The following MAST4 variants were observed in gnomAD, a reference collection of about 807,000 sequenced individuals.
The protein encoded by MAST4 is microtubule associated serine/threonine kinase family member 4.
MAST4 carries 89 observed loss-of-function variants against 162.7 expected under a neutral mutation model. The ratio of observed to expected loss-of-function variants is 0.55; its 90% CI spans 0.46 to 0.65. The LOEUF (loss-of-function observed/expected upper bound fraction) is 0.65. MAST4 is among the 30% of genes least tolerant of loss of function. The pLI is 0.00. For synonymous variants in MAST4, 1,479 were observed against 1,361.1 expected (o/e 1.09, Z -1.91); for missense variants, 3,153 against 3,374.0 (o/e 0.93, Z 1.62).
intron 4 of MAST4, among the ~76,000 whole-genome samples, chr5:66,966,698 C>CTGTATCTAACAAA (rs1746774867): frequency 6.6e-6 from 1 of 152,140 alleles, no homozygotes; most frequent in African/African-American, 2.4e-5. Flanking sequence ...ATAGGGAAGC[C>CTGTATCTAACAAA]TGGGAAATAT....
chr5:67,073,880 T>C (rs1023993864), intron 5 of MAST4, among the ~76,000 whole-genome samples: 3 of 152,178 alleles, frequency 2.0e-5, no homozygotes, highest in Non-Finnish European at 2.9e-5. Context: ...GTAAAATTAA[T>C]ATATAGTTGA....
At chr5:66,934,872 G>A (rs1328184622) in intron 4 of MAST4, among the ~76,000 whole-genome samples, 1 of 152,112 alleles carries the variant, frequency 6.6e-6, no homozygotes, top group African/African-American at 2.4e-5. Flanking sequence ...TGGTAACATG[G>A]TACTCTTTAC....
intron 12 of MAST4, among the ~76,000 whole-genome samples, chr5:67,115,795 C>A (rs1220204692): frequency 6.6e-6 from 1 of 152,206 alleles, no homozygotes; most frequent in African/African-American, 2.4e-5. Flanking sequence ...CATTACTACC[C>A]ACTGCTTACA....
intron 4 of MAST4, among the ~76,000 whole-genome samples, chr5:67,016,279 C>T (rs572572329): frequency 6.6e-6 from 1 of 152,268 alleles, no homozygotes; most frequent in South Asian, 2.1e-4. Context: ...AATTACTTAA[C>T]TGTCCCTAAA....
chr5:66,923,686 G>T (rs1010783038), intron 4 of MAST4, among the ~76,000 whole-genome samples: 1 of 152,106 alleles, frequency 6.6e-6, no homozygotes, highest in African/African-American at 2.4e-5. Context: ...AATGACTCTT[G>T]AGGTTGCAAA....
At chr5:67,161,328 G>GA (rs5868479) in intron 27 of MAST4, among the ~76,000 whole-genome samples, 2 of 151,980 alleles carry the variant, frequency 1.3e-5, no homozygotes, top group African/African-American at 4.8e-5. Flanking sequence ...ACTCTGGGGG[G>GA]AAAAAAAGTT....
chr5:67,046,630 C>CT (rs879596179), intron 4 of MAST4, among the ~76,000 whole-genome samples: 25 of 152,182 alleles, frequency 1.6e-4, no homozygotes, highest in African/African-American at 5.1e-4. Flanking sequence ...AGCTGTTTTT[C>CT]TTTTCTTCTA....
In MAST4 at chr5:67,162,666, G is replaced by A. The variant is rs376750032; in HGVS notation, c.3845G>A (p.Arg1282Gln). Residue 1282 changes from arginine (R) to glutamine (Q), a missense_variant, in exon 28 of 29, where the codon CGA (arginine) becomes CAA (glutamine). Coordinates refer to ENST00000403625, the MANE Select transcript of MAST4 (RefSeq NM_001164664.2). ...CCTTCTCCTTTACTCCACACCAGCCGAAGTTTCTCCTGCTTGAACAGATCC... is the reference window on the plus strand; with the variant it reads ...CCTTCTCCTTTACTCCACACCAGCCAAAGTTTCTCCTGCTTGAACAGATCC... ...KQPSPLLHTS[R>Q]SFSCLNRSLS... The A allele has an allele frequency of 6.8e-6, 11 of 1,613,828 alleles. No individual in the cohort carries two copies. Among genetic ancestry groups the A allele is most frequent in the East Asian group, 2.2e-5 (1 of 44,856 alleles).
At chr5:66,869,655 G>A (rs556364826) in intron 3 of MAST4, among the ~76,000 whole-genome samples, 2 of 152,286 alleles carry the variant, frequency 1.3e-5, no homozygotes, top group East Asian at 3.9e-4. Context: ...TGTCTTAAAA[G>A]TATAGAGCTG....
chr5:66,649,448 C>A (rs1746070704), intron 1 of MAST4, among the ~76,000 whole-genome samples: 1 of 152,174 alleles, frequency 6.6e-6, no homozygotes, highest in East Asian at 1.9e-4. Context: ...CATACCCTCA[C>A]CCTTTTGGTG....
At chr5:66,761,621 C>A (rs921880924) in intron 2 of MAST4, among the ~76,000 whole-genome samples, 6 of 150,282 alleles carry the variant, frequency 4.0e-5, no homozygotes, top group Admixed American at 2.0e-4. Context: ...TTTCTGGGAA[C>A]AGAAGTGCTA....
At chr5:66,766,448 TTTTC>T (rs1375742895) in intron 2 of MAST4, among the ~76,000 whole-genome samples, 1 of 152,120 alleles carries the variant, frequency 6.6e-6, no homozygotes, top group African/African-American at 2.4e-5. Flanking sequence ...GTTGAGAGGG[TTTTC>T]TTTTTTGGAC....
intron 3 of MAST4, among the ~76,000 whole-genome samples, chr5:66,847,380 C>A (rs1160344014): frequency 6.6e-6 from 1 of 152,152 alleles, no homozygotes; most frequent in Non-Finnish European, 1.5e-5. Context: ...CGTCTGTAAT[C>A]CCAGCATTTT....
Position 66,948,576 on chromosome 5 carries a change from C to G in MAST4, c.674+48594C>G, listed in dbSNP as rs143356936. On this transcript the variant is annotated intron_variant, in intron 4 of 28. Coordinates refer to ENST00000403625, the MANE Select transcript of MAST4 (RefSeq NM_001164664.2). ...CCATTCCTCCACAGCACTTTCCAAG[C>G]CACATAACTACTCTTGGTACTCACA... Among the ~76,000 whole-genome samples the G allele has an allele frequency of 6.2e-3, 941 of 152,218 alleles. 6 individuals are homozygous for G. Among genetic ancestry groups the G allele is most frequent in the Non-Finnish European group, 0.01 (682 of 68,014 alleles).
At chr5:66,636,727 G>A (rs908840368) in intron 1 of MAST4, among the ~76,000 whole-genome samples, 3 of 152,144 alleles carry the variant, frequency 2.0e-5, no homozygotes, top group Admixed American at 6.6e-5. Context: ...TGGCACAAAT[G>A]GCCAGGATAT....
At chr5:66,695,257 A>G (rs1369146267) in intron 1 of MAST4, among the ~76,000 whole-genome samples, 2 of 152,120 alleles carry the variant, frequency 1.3e-5, no homozygotes, top group Non-Finnish European at 2.9e-5. Context: ...TCCCAGCACC[A>G]TTTTTAAATA....
In MAST4 at chr5:67,100,430, T is replaced by C; in HGVS notation, c.913-5T>C. 6.2e-7 allele frequency: 1 copy of C among 1,613,872 alleles called. No homozygotes were observed. Among genetic ancestry groups the C allele is most frequent in the Non-Finnish European group, 8.5e-7 (1 of 1,179,790 alleles). On this transcript the variant is annotated splice_region_variant and splice_polypyrimidine_tract_variant and intron_variant, in intron 7 of 28. Transcript: ENST00000403625. The stretch of plus-strand genomic sequence containing the variant: ...GTTATGTGACCTCACTTTGGTTTTT[T>C]TCAGTCATCCTGTTCCTCCCAGGAG...
At chr5:66,932,769 T>C (rs1442754644) in intron 4 of MAST4, among the ~76,000 whole-genome samples, 1 of 152,172 alleles carries the variant, frequency 6.6e-6, no homozygotes, top group Non-Finnish European at 1.5e-5. Flanking sequence ...ATTTACACAG[T>C]TTTTATTCTG....
At chr5:66,795,439 A>G (rs1755603382) in intron 3 of MAST4, among the ~76,000 whole-genome samples, 1 of 152,240 alleles carries the variant, frequency 6.6e-6, no homozygotes, top group African/African-American at 2.4e-5. Flanking sequence ...AAAGAATATA[A>G]GCATTGTTGA....
Sources: gnomAD v4.1 joint callset for allele counts (sites outside exome capture counted in the v4.1 genomes callset) on GRCh38, gnomAD v4.1.1 for gene constraint, MANE v1.5 for transcripts, NCBI Gene and HGNC (gene_info 2026-07-23, HGNC 2026-07-21) for gene names.